Variants in ALK observed in about 807,000 individuals in gnomAD.
ALK encodes the protein ALK receptor tyrosine kinase, also known as ALK tyrosine kinase receptor.
A neutral mutation model predicts 163.1 loss-of-function variants in ALK; 74 were observed. The ratio of observed to expected loss-of-function variants is 0.45; its 90% confidence interval spans 0.38 to 0.55. The LOEUF (loss-of-function observed/expected upper bound fraction) is 0.55. Ranked by LOEUF, ALK falls within the 20% of genes least tolerant of loss-of-function variation. The pLI is 0.00. For synonymous variants in ALK, 960 were observed against 843.2 expected, an observed-to-expected ratio of 1.14 and a Z score of -2.40; for missense variants, 2,063 against 2,105.3, an observed-to-expected ratio of 0.98 and a Z score of 0.39.
intron 1 of ALK, among the ~76,000 whole-genome samples, chr2:29,831,204 G>GGGAAGGGGAAGGGGAAGA (rs1665397204): frequency 2.0e-5 from 1 of 51,208 alleles, no homozygotes; most frequent in Non-Finnish European, 3.5e-5. Flanking sequence ...GAAGGGGAAG[G>GGGAAGGGGAAGGGGAAGA]GGAAGAGGAA....
At chr2:29,368,531 A>C (rs1450499665) in intron 5 of ALK, among the ~76,000 whole-genome samples, 1 of 152,206 alleles carries the variant, frequency 6.6e-6, no homozygotes, top group African/African-American at 2.4e-5. Flanking sequence ...TTCTAGAAGT[A>C]GGGCTTCTTG....
chr2:29,563,463 C>T (rs1674083511), intron 3 of ALK, among the ~76,000 whole-genome samples: 1 of 152,188 alleles, frequency 6.6e-6, no homozygotes, highest in African/African-American at 2.4e-5. Context: ...TGCCCTTCCA[C>T]AGTGACCTTG....
intron 1 of ALK, among the ~76,000 whole-genome samples, chr2:29,856,398 A>C (rs1353306707): frequency 1.3e-5 from 2 of 152,248 alleles, no homozygotes; most frequent in African/African-American, 4.8e-5. Flanking sequence ...CCTGTAATAT[A>C]AGCTATCATA....
intron 4 of ALK, among the ~76,000 whole-genome samples, chr2:29,485,813 A>C (rs1226818343): frequency 1.3e-5 from 2 of 152,102 alleles, no homozygotes; most frequent in African/African-American, 2.4e-5. Context: ...GAGTCATAAG[A>C]CATTGTTCCT....
At chr2:29,203,258 A>C (rs1669225929) in intron 26 of ALK, among the ~76,000 whole-genome samples, 1 of 152,118 alleles carries the variant, frequency 6.6e-6, no homozygotes, top group South Asian at 2.1e-4. Flanking sequence ...GGCAGCTCTG[A>C]CTATTTGTGG....
rs763053356 is a variant in ALK at position 29,665,879 on chromosome 2, C to T, written c.952+28971G>A. 2.6e-5 allele frequency among the ~76,000 whole-genome samples: 4 copies of T among 152,006 alleles called. No homozygotes were observed. In the South Asian group the frequency reaches 6.3e-4, roughly 24 times the overall value. ...TAAGATATACCATGAATTTCACTTA[C>T]GTAAGATCAACCTCCTCTTGTTCCT... On this transcript the variant is annotated intron_variant, in intron 3 of 28. Transcript: ENST00000389048.
At chr2:29,247,027 T>C (rs1411163352) in intron 12 of ALK, among the ~76,000 whole-genome samples, 1 of 152,206 alleles carries the variant, frequency 6.6e-6, no homozygotes, top group Non-Finnish European at 1.5e-5. Context: ...CCCGCTTTTT[T>C]GTAGACAATG....
intron 1 of ALK, among the ~76,000 whole-genome samples, chr2:29,758,680 C>G (rs761491034): frequency 3.3e-5 from 5 of 152,218 alleles, no homozygotes; most frequent in Non-Finnish European, 7.3e-5. Context: ...TCATTTGTCT[C>G]CATGGGTGAC....
chr2:29,218,894 AGATGCCTG>A (rs1342582700), intron 23 of ALK, among the ~76,000 whole-genome samples: 1 of 152,248 alleles, frequency 6.6e-6, no homozygotes, highest in Admixed American at 6.5e-5. Context: ...ACCATGGCAG[AGATGCCTG>A]GATGCCTGGC....
chr2:29,268,914 C>T (rs1429855469), intron 11 of ALK, among the ~76,000 whole-genome samples: 2 of 152,162 alleles, frequency 1.3e-5, no homozygotes, highest in African/African-American at 2.4e-5. Context: ...TGTCAGGCAC[C>T]TCTCTAAGCC....
chr2:29,481,772 T>C (rs1671664341), intron 4 of ALK, among the ~76,000 whole-genome samples: 1 of 152,200 alleles, frequency 6.6e-6, no homozygotes, highest in East Asian at 1.9e-4. Flanking sequence ...ACAGCTCTCC[T>C]GCTCAGAAAA....
chr2:29,914,168 T>C (rs1055846357), intron 1 of ALK, among the ~76,000 whole-genome samples: 22 of 152,234 alleles, frequency 1.4e-4, no homozygotes, highest in African/African-American at 4.6e-4. Flanking sequence ...CATTAATTCA[T>C]GGGGAGGAAG....
intron 1 of ALK, among the ~76,000 whole-genome samples, chr2:29,795,084 T>C (rs1190680725): frequency 1.3e-5 from 2 of 152,114 alleles, no homozygotes; most frequent in Admixed American, 6.6e-5. Flanking sequence ...ACAAACGTAG[T>C]AGATGGAGGG....
At chr2:29,411,381 C>T (rs370678306) in intron 4 of ALK, among the ~76,000 whole-genome samples, 1 of 151,844 alleles carries the variant, frequency 6.6e-6, no homozygotes, top group African/African-American at 2.4e-5. Context: ...CTCTTCATCA[C>T]AGAGTTGCTT....
chr2:29,664,919 A>G (rs533346896), intron 3 of ALK, among the ~76,000 whole-genome samples: 2 of 151,804 alleles, frequency 1.3e-5, no homozygotes, highest in African/African-American at 2.4e-5. Context: ...CTCTGGCTAC[A>G]TTGCCCTTTC....
intron 1 of ALK, among the ~76,000 whole-genome samples, chr2:29,775,331 A>G (rs1427529142): frequency 6.6e-6 from 1 of 152,198 alleles, no homozygotes; most frequent in Non-Finnish European, 1.5e-5. Context: ...TGAAGTCCAT[A>G]ATTTCTGCTA....
intron 4 of ALK, among the ~76,000 whole-genome samples, chr2:29,460,298 A>G (rs1488477906): frequency 6.6e-6 from 1 of 152,212 alleles, no homozygotes; most frequent in Non-Finnish European, 1.5e-5. Flanking sequence ...TCTTAAATGT[A>G]AGGCATTGTA....
intron 1 of ALK, among the ~76,000 whole-genome samples, chr2:29,747,375 T>G (rs1680231493): frequency 6.6e-6 from 1 of 152,160 alleles, no homozygotes; most frequent in African/African-American, 2.4e-5. Context: ...TAGGAGACAT[T>G]AAAAAATAAT....
chr2:29,635,338 G>C (rs966258568), intron 3 of ALK, among the ~76,000 whole-genome samples: 2 of 152,154 alleles, frequency 1.3e-5, no homozygotes, highest in African/African-American at 2.4e-5. Flanking sequence ...TGACAAGGGG[G>C]TATTAACCTA....
Sources: allele counts gnomAD v4.1 joint callset (sites outside exome capture counted in the v4.1 genomes callset), GRCh38; gene constraint gnomAD v4.1.1; transcripts MANE v1.5; gene names NCBI Gene and HGNC (gene_info 2026-07-23, HGNC 2026-07-21).